Variants in KIF3A observed in about 807,000 individuals in gnomAD.
The protein encoded by KIF3A is kinesin family member 3A.
KIF3A carries 27 observed loss-of-function variants against 92.6 expected under a neutral mutation model. That is an observed-to-expected ratio of 0.29 (90% confidence interval 0.21 to 0.40). KIF3A has a LOEUF of 0.40. Ranked by LOEUF, KIF3A falls within the 10% of genes least tolerant of loss-of-function variation. KIF3A has a pLI of 1.00. For synonymous variants in KIF3A, 250 were observed against 275.4 expected, an observed-to-expected ratio of 0.91 and a Z score of 0.92; for missense variants, 581 against 872.6, an observed-to-expected ratio of 0.67 and a Z score of 4.21.
chr5:132,699,416 A>T, intron 17 of KIF3A, 121 bp from the exon 18 acceptor site: 1 of 912,202 alleles, frequency 1.1e-6, no homozygotes, highest in South Asian at 1.5e-5. Context: ...AAACCAAAGA[A>T]ATGTCTAATG....
Position 132,692,950 on chromosome 5 carries a change from T to C in KIF3A, c.*3684A>G, listed in dbSNP as rs568027506. The stretch of plus-strand genomic sequence containing the variant: ...TATACATTAGGAAATTGGGCAGACA[T>C]TGGTGTACTTAAATGTAAACGCTAC... On this transcript the variant is annotated 3_prime_UTR_variant, in exon 19 of 19. Coordinates refer to ENST00000403231, the MANE Select transcript of KIF3A (RefSeq NM_001300791.2). 9.8e-5 allele frequency: 15 copies of C among 152,682 alleles called. No individual in the cohort carries two copies. Among genetic ancestry groups the C allele is most frequent in the Non-Finnish European group, 1.3e-4 (9 of 68,000 alleles). 9.5% of individuals were successfully genotyped at this position (152,682 alleles called of 1,614,324 possible). A position where few individuals can be genotyped will look rare whatever the true frequency, so the allele number is the denominator to read the frequency against.
downstream of KIF3A, among the ~76,000 whole-genome samples, chr5:132,691,214 T>C (rs1752655779): frequency 1.3e-5 from 2 of 152,208 alleles, no homozygotes; most frequent in South Asian, 4.1e-4. Flanking sequence ...TGGTTTCTGT[T>C]CTCAAACACA....
intron 4 of KIF3A, chr5:132,721,214 T>C (rs1234089528): frequency 6.6e-6 from 1 of 152,350 alleles, no homozygotes. Context: ...AGAATAGTTT[T>C]TGGTCTTTAT....
downstream of KIF3A, among the ~76,000 whole-genome samples, chr5:132,689,324 T>C (rs112784859): frequency 1.1e-4 from 17 of 152,302 alleles, 1 homozygote; most frequent in African/African-American, 3.6e-4. Flanking sequence ...TGGTCTTCAG[T>C]GATTTTTACT....
In KIF3A at chr5:132,716,365, G is replaced by A; in HGVS notation, c.834C>T (p.Ser278=). 2 of 1,613,954 alleles carry A rather than the reference G, an allele frequency of 1.2e-6. No homozygotes were observed. Among genetic ancestry groups the A allele is most frequent in the Middle Eastern group, 3.3e-4 (2 of 6,060 alleles). Residue 278 remains serine (S), a synonymous_variant, in exon 7 of 19, where the codon TCC becomes TCT. Transcript: ENST00000403231. ...AGGCAGAAATTACATTACCAAGGGT[G>A]GAAAGTGAAAGATTGATTTTTGTAG... ...KEATKINLSL[S]TLGNVISALV...
At chr5:132,719,574 T>G (rs754094500) in intron 5 of KIF3A, among the ~76,000 whole-genome samples, 1 of 151,926 alleles carries the variant, frequency 6.6e-6, no homozygotes, top group Non-Finnish European at 1.5e-5. Context: ...TCACTGCAAC[T>G]TCTGCCTTCC....
chr5:132,715,574 A>C (rs1753591205), intron 8 of KIF3A, among the ~76,000 whole-genome samples, 183 bp downstream of exon 8: 1 of 152,242 alleles, frequency 6.6e-6, no homozygotes, highest in Non-Finnish European at 1.5e-5. Context: ...ATGTAATTTT[A>C]CTTAAGCTTA....
intron 12 of KIF3A, among the ~76,000 whole-genome samples, 194 bp from the exon 13 acceptor site, chr5:132,703,259 T>C (rs1753103312): frequency 6.6e-6 from 1 of 152,162 alleles, no homozygotes; most frequent in South Asian, 2.1e-4. Flanking sequence ...CATTGATATG[T>C]TTTCCTATCA....
intron 9 of KIF3A, among the ~76,000 whole-genome samples, chr5:132,709,717 G>C (rs1753347881): frequency 6.6e-6 from 1 of 152,196 alleles, no homozygotes; most frequent in Admixed American, 6.5e-5. Flanking sequence ...CAAAAGGACA[G>C]ATAAGTGTTT....
chr5:132,715,816 T>A lies in KIF3A; in HGVS notation c.1070A>T (p.Asp357Val). The A allele has an allele frequency of 1.9e-6, 3 of 1,612,842 alleles. No individual in the cohort carries two copies. Among genetic ancestry groups the A allele is most frequent in the Non-Finnish European group, 2.5e-6 (3 of 1,179,424 alleles). Residue 357 changes from aspartate to valine, a missense_variant, in exon 8 of 19, where the codon GAT becomes GTT. Physicochemically the swap from Asp to Val is radical, Grantham distance 152. This residue lies in a region of KIF3A where 167 missense variants were observed against 205.8 expected (regional missense o/e 0.81). Transcript: ENST00000403231. ...TTTCTGGAACTGACGCAGCAAAGCA[T>A]CCTTTGGATCTTCATTAATTCTAGC... The part of the protein sequence containing the change: ...NKARINEDPK[D>V]ALLRQFQKEI...
intron 2 of KIF3A, among the ~76,000 whole-genome samples, chr5:132,728,941 G>A (rs148747293): frequency 0.012 from 1,871 of 152,028 alleles, 18 homozygotes; most frequent in South Asian, 0.02. Flanking sequence ...AAATTAGCCA[G>A]GCATGCATAA....
At position 132,696,575 on chromosome 5, in the gene KIF3A, G is replaced by C; in HGVS notation, c.*59C>G. Reference sequence around the variant, plus strand: ...AGAAGTCTTCACTGTTTTAATTAAAGATTTTGTCCAGGCATGAGAATATCA... The same window carrying C: ...AGAAGTCTTCACTGTTTTAATTAAACATTTTGTCCAGGCATGAGAATATCA... On this transcript the variant is annotated 3_prime_UTR_variant, in exon 19 of 19. Transcript: ENST00000403231. 2 of 1,003,106 alleles carry C rather than the reference G, an allele frequency of 2.0e-6. No individual in the cohort carries two copies. The highest frequency in any genetic ancestry group is 3.1e-6 in the Non-Finnish European group (2 of 644,998). 62.1% of individuals were successfully genotyped at this position (1,003,106 alleles called of 1,614,324 possible).
intron 1 of KIF3A, 35 bp downstream of exon 1, chr5:132,737,379 A>C: frequency 1.2e-6 from 2 of 1,600,920 alleles, no homozygotes; most frequent in Non-Finnish European, 1.7e-6. Context: ...CGCTAGGATG[A>C]GAAGAAACCC....
intron 4 of KIF3A, among the ~76,000 whole-genome samples, chr5:132,725,199 A>C (rs1007005192): frequency 6.6e-6 from 1 of 152,082 alleles, no homozygotes; most frequent in African/African-American, 2.4e-5. Flanking sequence ...TAAAGTTGAA[A>C]ACCAGCAACA....
In KIF3A at chr5:132,696,554, G is replaced by GTC; in HGVS notation, c.*78_*79dup. The GTC allele has an allele frequency of 1.3e-6, 1 of 790,154 alleles. No homozygotes were observed. The allele number at this position is 790,154 out of a possible 1,614,324, so 48.9% of individuals were successfully genotyped here. ...TTCCATTAATTGAAATTATAGAGAA[G>GTC]TCTTCACTGTTTTAATTAAAGATTT... On this transcript the variant is annotated 3_prime_UTR_variant, in exon 19 of 19. Coordinates refer to ENST00000403231, the MANE Select transcript of KIF3A (RefSeq NM_001300791.2).
chr5:132,724,442 A>G (rs1001603979), intron 4 of KIF3A, among the ~76,000 whole-genome samples: 1 of 152,100 alleles, frequency 6.6e-6, no homozygotes, highest in Non-Finnish European at 1.5e-5. Flanking sequence ...GCACATATAC[A>G]CCATGGAATA....
intron 2 of KIF3A, among the ~76,000 whole-genome samples, chr5:132,729,472 A>AC: frequency 6.6e-6 from 1 of 152,058 alleles, no homozygotes; most frequent in African/African-American, 2.4e-5. Flanking sequence ...AAACAAACAG[A>AC]AAACAACAAC....
chr5:132,700,757 G>A (rs1753009239), intron 15 of KIF3A, 57 bp from the exon 16 acceptor site: 1 of 1,121,058 alleles, frequency 8.9e-7, no homozygotes, highest in Non-Finnish European at 1.3e-6. Context: ...CTAAAATATT[G>A]AAGTCATAAA....
At chr5:132,719,084 T>C (rs1263517896) in intron 5 of KIF3A, among the ~76,000 whole-genome samples, 4 of 152,238 alleles carry the variant, frequency 2.6e-5, no homozygotes, top group Admixed American at 1.3e-4. Context: ...AAGGAATGTA[T>C]TTTAAAATGT....
Sources: gnomAD v4.1 joint callset for allele counts (sites outside exome capture counted in the v4.1 genomes callset) on GRCh38, gnomAD v4.1.1 for gene constraint, gnomAD v4.1.1 regional missense constraint, MANE v1.5 for transcripts, NCBI Gene and HGNC (gene_info 2026-07-23, HGNC 2026-07-21) for gene names.